HCN1: variants seen among roughly 807,000 people sequenced by gnomAD.
The protein encoded by HCN1 is hyperpolarization activated cyclic nucleotide gated potassium channel 1, also known as potassium/sodium hyperpolarization-activated cyclic nucleotide-gated channel 1.
In HCN1, 13 loss-of-function variants were observed where a neutral mutation model predicts 78.9. That is an observed-to-expected ratio of 0.16 (90% CI 0.11 to 0.26). The LOEUF (loss-of-function observed/expected upper bound fraction) is 0.26. Ranked by LOEUF, HCN1 falls within the 10% of genes least tolerant of loss-of-function variation. The pLI is 1.00. For missense variants in HCN1, 810 were observed against 1,154.3 expected, an observed-to-expected ratio of 0.70 and a Z score of 4.32; for synonymous variants, 552 against 455.5, an observed-to-expected ratio of 1.21 and a Z score of -2.70.
chr5:45,337,036 A>G (rs1746471676), intron 5 of HCN1, among the ~76,000 whole-genome samples: 1 of 151,988 alleles, frequency 6.6e-6, no homozygotes, highest in South Asian at 2.1e-4. Context: ...AAGAAAAACC[A>G]ACATATTTTC....
intron 2 of HCN1, among the ~76,000 whole-genome samples, chr5:45,572,928 T>C (rs1561205858): frequency 1.3e-5 from 2 of 152,086 alleles, no homozygotes; most frequent in African/African-American, 4.8e-5. Context: ...AGGAAGTGTG[T>C]GGGTAGGGAG....
intron 2 of HCN1, among the ~76,000 whole-genome samples, chr5:45,469,738 G>C (rs377286518): frequency 1.3e-5 from 2 of 151,584 alleles, no homozygotes; most frequent in Non-Finnish European, 3.0e-5. Context: ...TCATTGTGTA[G>C]TTCTTACACA....
intron 4 of HCN1, among the ~76,000 whole-genome samples, chr5:45,361,963 T>G (rs2111992309): frequency 6.6e-6 from 1 of 152,238 alleles, no homozygotes; most frequent in South Asian, 2.1e-4. Flanking sequence ...GTCTAAAACA[T>G]CTTTAGTATG....
At chr5:45,619,594 A>C (rs983454616) in intron 2 of HCN1, among the ~76,000 whole-genome samples, 1 of 152,100 alleles carries the variant, frequency 6.6e-6, no homozygotes, top group Admixed American at 6.6e-5. Flanking sequence ...GAAGAATTTC[A>C]AATAATAAAT....
chr5:45,324,845 A>C (rs1007697057), intron 5 of HCN1, among the ~76,000 whole-genome samples: 2 of 151,812 alleles, frequency 1.3e-5, no homozygotes, highest in Admixed American at 6.6e-5. Context: ...AAATTTTTTA[A>C]AGTTAAAATA....
At chr5:45,366,583 A>G (rs1450272998) in intron 4 of HCN1, among the ~76,000 whole-genome samples, 18 of 151,782 alleles carry the variant, frequency 1.2e-4, no homozygotes, top group African/African-American at 4.3e-4. Context: ...TTGAAATGCA[A>G]CTGTTTCTAT....
intron 2 of HCN1, among the ~76,000 whole-genome samples, chr5:45,604,626 C>T (rs1208997692): frequency 1.3e-5 from 2 of 151,784 alleles, no homozygotes; most frequent in Non-Finnish European, 2.9e-5. Flanking sequence ...ATATATCAAC[C>T]TTTTTAAAAA....
At chr5:45,363,872 ATC>A (rs972694132) in intron 4 of HCN1, among the ~76,000 whole-genome samples, 1 of 151,850 alleles carries the variant, frequency 6.6e-6, no homozygotes, top group Non-Finnish European at 1.5e-5. Context: ...GTCCAATTAA[ATC>A]TCTTTTTCTT....
chr5:45,481,926 G>A (rs1406623996), intron 2 of HCN1, among the ~76,000 whole-genome samples: 2 of 151,892 alleles, frequency 1.3e-5, no homozygotes, highest in African/African-American at 4.8e-5. Context: ...ATCTATTTCA[G>A]AGGGTTGTAT....
At chr5:45,502,774 C>T (rs576733404) in intron 2 of HCN1, among the ~76,000 whole-genome samples, 67 of 152,136 alleles carry the variant, frequency 4.4e-4, no homozygotes, top group Middle Eastern at 6.8e-3. Context: ...AATCATTCCA[C>T]GGCTATGAGA....
chr5:45,267,459 G>GT lies in HCN1; in HGVS notation c.1619-207dup, dbSNP rs200522015. 3.1e-3 allele frequency among the ~76,000 whole-genome samples: 455 copies of GT among 145,926 alleles called. 2 individuals carry two copies. Among genetic ancestry groups the GT allele is most frequent in the African/African-American group, 0.011 (419 of 38,586 alleles). The stretch of plus-strand genomic sequence containing the variant: ...AAATAATGTTTTTTTGTTTTGTTTT[G>GT]TTTTAAAAAAAAAAAAAACAGTTGA... On this transcript the variant is annotated intron_variant, in intron 6 of 7. Transcript: ENST00000303230.
chr5:45,416,572 C>A (rs1301002298), intron 3 of HCN1, among the ~76,000 whole-genome samples: 1 of 151,782 alleles, frequency 6.6e-6, no homozygotes, highest in Non-Finnish European at 1.5e-5. Flanking sequence ...TGTGACTAGA[C>A]TAGTGAAATA....
intron 4 of HCN1, among the ~76,000 whole-genome samples, chr5:45,395,746 T>G (rs530184626): frequency 3.3e-5 from 5 of 152,154 alleles, no homozygotes; most frequent in African/African-American, 1.2e-4. Flanking sequence ...TAATTTAAAA[T>G]ATTCTTATTT....
intron 5 of HCN1, among the ~76,000 whole-genome samples, chr5:45,329,152 T>C (rs1196138967): frequency 6.6e-6 from 1 of 151,502 alleles, no homozygotes; most frequent in Admixed American, 6.6e-5. Flanking sequence ...TGACCATTCA[T>C]AAGTATACAA....
At chr5:45,381,784 C>T (rs1274673326) in intron 4 of HCN1, among the ~76,000 whole-genome samples, 1 of 151,992 alleles carries the variant, frequency 6.6e-6, no homozygotes, top group African/African-American at 2.4e-5. Flanking sequence ...ATCCAATTCC[C>T]CTGCTTCCAT....
rs185137958 is a variant in HCN1 at position 45,458,762 on chromosome 5, C to T, written c.1011+3084G>A. 2.7e-3 allele frequency among the ~76,000 whole-genome samples: 417 copies of T among 152,154 alleles called. 1 individual carries two copies. Among genetic ancestry groups the T allele is most frequent in the Non-Finnish European group, 5.1e-3 (345 of 68,010 alleles). On this transcript the variant is annotated intron_variant, in intron 3 of 7. Transcript: ENST00000303230. ...TGACTATTCATTTAACTTCTAAAAA[C>T]TTTAGTTTTTCTAGCCAAAAAGTGG...
chr5:45,696,055 G>A lies in HCN1; in HGVS notation c.39C>T (p.Ser13=). 1.5e-6 allele frequency: 2 copies of A among 1,353,416 alleles called. No homozygotes were observed. The highest frequency in any genetic ancestry group is 9.6e-7 in the Non-Finnish European group (1 of 1,042,790). The allele number at this position is 1,353,416 out of a possible 1,614,324, so 83.8% of individuals were successfully genotyped here. ...GGGKPNSSSN[S]RDDGNSVFPA... ...GGAAGACGCTGTTGCCATCGTCCCGGCTGTTAGACGAAGAGTTGGGCTTGC... is the reference window on the plus strand; with the variant it reads ...GGAAGACGCTGTTGCCATCGTCCCGACTGTTAGACGAAGAGTTGGGCTTGC... Residue 13 remains serine, a synonymous_variant, in exon 1 of 8, where the codon AGC becomes AGT. Coordinates refer to ENST00000303230, the MANE Select transcript of HCN1 (RefSeq NM_021072.4).
chr5:45,349,069 C>A (rs543391741), intron 5 of HCN1, among the ~76,000 whole-genome samples: 2 of 152,172 alleles, frequency 1.3e-5, no homozygotes, highest in Non-Finnish European at 2.9e-5. Flanking sequence ...ATAGAATATA[C>A]ATTTTTTTCA....
intron 3 of HCN1, among the ~76,000 whole-genome samples, chr5:45,436,160 C>T (rs1740557553): frequency 6.6e-6 from 1 of 152,202 alleles, no homozygotes; most frequent in African/African-American, 2.4e-5. Flanking sequence ...GTGAATGTCA[C>T]TGGAGAAGAC....
Sources: allele counts gnomAD v4.1 joint callset (sites outside exome capture counted in the v4.1 genomes callset), GRCh38; gene constraint gnomAD v4.1.1; transcripts MANE v1.5; gene names NCBI Gene and HGNC (gene_info 2026-07-23, HGNC 2026-07-21).